CAMKMT: variants seen among roughly 807,000 people sequenced by gnomAD.
CAMKMT encodes the protein CaM KMT.
A neutral mutation model predicts 48.0 loss-of-function variants in CAMKMT; 53 were observed. The ratio of observed to expected loss-of-function variants is 1.10; its 90% CI spans 0.89 to 1.39. CAMKMT has a LOEUF of 1.39. Among genes scored for constraint, CAMKMT ranks in the 40% most tolerant of loss-of-function variants. The pLI is 0.00. For missense variants in CAMKMT, 428 were observed against 402.7 expected (o/e 1.06, Z -0.54); for synonymous variants, 165 against 152.3 (o/e 1.08, Z -0.61).
At chr2:44,611,806 A>T (rs1319467726) in intron 3 of CAMKMT, among the ~76,000 whole-genome samples, 1 of 151,956 alleles carries the variant, frequency 6.6e-6, no homozygotes, top group Non-Finnish European at 1.5e-5. Context: ...TGGAAGGTGA[A>T]GGGGAGCAGG....
At chr2:44,508,326 A>C (rs1266329360) in intron 3 of CAMKMT, among the ~76,000 whole-genome samples, 1 of 152,232 alleles carries the variant, frequency 6.6e-6, no homozygotes, top group East Asian at 1.9e-4. Flanking sequence ...TCTAGGTATT[A>C]ATCCTGTGGC....
chr2:44,420,899 T>G (rs548863167), intron 3 of CAMKMT, among the ~76,000 whole-genome samples: 20 of 152,144 alleles, frequency 1.3e-4, no homozygotes, highest in Non-Finnish European at 2.2e-4. Flanking sequence ...TTATCTTTGT[T>G]AATCACTTTC....
rs546078396 is a variant in CAMKMT, at chr2:44,382,621, G to C, written c.312-7620G>C. Reference sequence around the variant, plus strand: ...AGCTTCCTGAGTAGCTGGGACTACAGGTGCCTGCCACCACGCCCAGCTAAT... The same window carrying C: ...AGCTTCCTGAGTAGCTGGGACTACACGTGCCTGCCACCACGCCCAGCTAAT... On this transcript the variant is annotated intron_variant, in intron 2 of 10. Coordinates refer to ENST00000378494, the MANE Select transcript of CAMKMT (RefSeq NM_024766.5). Among the ~76,000 whole-genome samples, 523 of 152,060 alleles carry C rather than the reference G, an allele frequency of 3.4e-3. 2 individuals carry two copies. Among genetic ancestry groups the C allele is most frequent in the African/African-American group, 0.011 (461 of 41,500 alleles).
At chr2:44,673,442 AG>A (rs1189827451) in intron 3 of CAMKMT, among the ~76,000 whole-genome samples, 11 of 145,666 alleles carry the variant, frequency 7.6e-5, no homozygotes, top group African/African-American at 2.5e-4. Flanking sequence ...AAAAAAAAAA[AG>A]AGAGAGAGAA....
intron 3 of CAMKMT, among the ~76,000 whole-genome samples, chr2:44,497,734 A>AGAGAGAGAGAGAGAGAGAGAGAGAGG (rs1318079163): frequency 2.0e-5 from 3 of 151,912 alleles, no homozygotes; most frequent in East Asian, 3.9e-4. Context: ...AGAGAGAGAG[A>AGAGAGAGAGAGAGAGAGAGAGAGAGG]GAGAGAGAGG....
intron 3 of CAMKMT, among the ~76,000 whole-genome samples, chr2:44,592,746 C>T (rs1670376293): frequency 6.6e-6 from 1 of 152,120 alleles, no homozygotes; most frequent in South Asian, 2.1e-4. Context: ...CTTGTATCCC[C>T]CAAGGATAAG....
At chr2:44,590,991 C>A (rs1432259717) in intron 3 of CAMKMT, among the ~76,000 whole-genome samples, 1 of 152,042 alleles carries the variant, frequency 6.6e-6, no homozygotes, top group Non-Finnish European at 1.5e-5. Context: ...GTTTTCCCAG[C>A]ACCATTTATT....
chr2:44,494,486 G>C (rs560172471), intron 3 of CAMKMT, among the ~76,000 whole-genome samples: 24 of 152,074 alleles, frequency 1.6e-4, no homozygotes, highest in African/African-American at 5.8e-4. Flanking sequence ...TTTTAAAACT[G>C]TTGCTAAGGG....
At chr2:44,659,317 C>T (rs915870312) in intron 3 of CAMKMT, among the ~76,000 whole-genome samples, 1 of 151,700 alleles carries the variant, frequency 6.6e-6, no homozygotes. Context: ...GGCCCAGCTA[C>T]TTGGGAGGCT....
intron 3 of CAMKMT, among the ~76,000 whole-genome samples, chr2:44,671,336 T>G (rs1362897230): frequency 6.6e-6 from 1 of 152,214 alleles, no homozygotes; most frequent in African/African-American, 2.4e-5. Flanking sequence ...TTCTGGGACA[T>G]GAATAACAAC....
chr2:44,375,139 G>C (rs1169943687), intron 2 of CAMKMT, among the ~76,000 whole-genome samples: 1 of 151,420 alleles, frequency 6.6e-6, no homozygotes, highest in East Asian at 1.9e-4. Flanking sequence ...AGGGATTACA[G>C]GCTTGAGCCA....
chr2:44,714,255 T>C (rs937705983), intron 6 of CAMKMT, among the ~76,000 whole-genome samples: 1 of 152,180 alleles, frequency 6.6e-6, no homozygotes, highest in African/African-American at 2.4e-5. Context: ...CTAAGAGTTA[T>C]AGTGCCAGGA....
intron 3 of CAMKMT, among the ~76,000 whole-genome samples, chr2:44,506,112 C>T (rs1164616006): frequency 6.6e-6 from 1 of 152,062 alleles, no homozygotes; most frequent in Non-Finnish European, 1.5e-5. Flanking sequence ...CCACCGTGGC[C>T]TCCCAAAGTG....
intron 3 of CAMKMT, among the ~76,000 whole-genome samples, chr2:44,557,495 G>A (rs1377478869): frequency 6.6e-6 from 1 of 152,084 alleles, no homozygotes; most frequent in Admixed American, 6.6e-5. Flanking sequence ...GGAATGGTCT[G>A]GTGATGTTGC....
At chr2:44,431,314 G>C (rs1286655691) in intron 3 of CAMKMT, among the ~76,000 whole-genome samples, 1 of 152,018 alleles carries the variant, frequency 6.6e-6, no homozygotes, top group Non-Finnish European at 1.5e-5. Flanking sequence ...AGAAACTTAG[G>C]AAAATTGAGA....
intron 3 of CAMKMT, among the ~76,000 whole-genome samples, chr2:44,577,377 G>A (rs373590860): frequency 1.3e-5 from 2 of 152,246 alleles, no homozygotes; most frequent in Non-Finnish European, 1.5e-5. Flanking sequence ...TCAGCACTTC[G>A]GGAGGCCAAG....
rs116654383 is a variant in CAMKMT at position 44,714,058 on chromosome 2, A to G, written c.557-1229A>G. 5.6e-3 allele frequency among the ~76,000 whole-genome samples: 858 copies of G among 152,318 alleles called. 6 individuals carry two copies. The highest frequency in any genetic ancestry group is 5.9e-3 in the Non-Finnish European group (400 of 68,022). ...CTTCTTACCATGACACATAGAATAT[A>G]TCATATAAAATGAATGGGAAAGTGA... On this transcript the variant is annotated intron_variant, in intron 6 of 10. Transcript: ENST00000378494.
intron 3 of CAMKMT, among the ~76,000 whole-genome samples, chr2:44,429,281 G>GTA (rs1251075106): frequency 3.5e-5 from 1 of 28,684 alleles, no homozygotes; most frequent in East Asian, 6.3e-4. Context: ...GTGTGTATGT[G>GTA]TGTGTGTGTG....
chr2:44,705,749 G>A (rs114033542), intron 4 of CAMKMT, among the ~76,000 whole-genome samples: 2,137 of 152,106 alleles, frequency 0.014, 21 homozygotes, highest in South Asian at 0.03. Flanking sequence ...GTTCTTTATG[G>A]GGACTGTTCA....
Sources: allele counts gnomAD v4.1 joint callset (sites outside exome capture counted in the v4.1 genomes callset), GRCh38; gene constraint gnomAD v4.1.1; transcripts MANE v1.5; gene names NCBI Gene and HGNC (gene_info 2026-07-23, HGNC 2026-07-21).